The following ZNF804B variants were observed in gnomAD, a reference collection of about 807,000 sequenced individuals.
ZNF804B encodes the protein zinc finger 804B.
In ZNF804B, 80 loss-of-function variants were observed where a neutral mutation model predicts 101.4. That is an observed-to-expected ratio of 0.79 (90% CI 0.66 to 0.95). The LOEUF (loss-of-function observed/expected upper bound fraction) is 0.95. ZNF804B is among the 40% of genes least tolerant of loss of function. The probability of loss-of-function intolerance (pLI) is 0.00; values close to 1 mark genes in which losing one functional copy is unlikely to be tolerated. For synonymous variants in ZNF804B, 622 were observed against 558.8 expected (o/e 1.11, Z -1.59); for missense variants, 1,673 against 1,561.9 (o/e 1.07, Z -1.20).
intron 1 of ZNF804B, among the ~76,000 whole-genome samples, chr7:88,948,264 G>A (rs955923457): frequency 6.0e-5 from 9 of 149,504 alleles, no homozygotes; most frequent in South Asian, 2.1e-4. Context: ...AGACAAGGTC[G>A]CCTCAGCACA....
In ZNF804B at chr7:89,336,179, G is replaced by C. The variant is rs1480080012; in HGVS notation, c.3197G>C (p.Cys1066Ser). 1.4e-5 allele frequency: 22 copies of C among 1,613,850 alleles called. No individual in the cohort carries two copies. The highest frequency in any genetic ancestry group is 1.9e-5 in the Non-Finnish European group (22 of 1,179,976). The change falls in exon 4 of 4, where the codon TGT becomes TCT. Residue 1066 changes from cysteine to serine, a missense_variant. Cys to Ser is a moderately radical substitution (Grantham distance 112). Coordinates refer to ENST00000333190, the MANE Select transcript of ZNF804B (RefSeq NM_181646.5). ...ISEIQPFIQS[C>S]DPVPNEFPGA... The stretch of plus-strand genomic sequence containing the variant: ...GAAATCCAACCTTTTATTCAAAGCT[G>C]TGACCCAGTACCAAATGAATTCCCT...
chr7:89,065,768 CCTT>C lies in ZNF804B; in HGVS notation c.109-152382_109-152380del, dbSNP rs1442700447. On this transcript the variant is annotated intron_variant, in intron 1 of 3. Coordinates refer to ENST00000333190, the MANE Select transcript of ZNF804B (RefSeq NM_181646.5). ...TGCCTGCATTCCCAGGGTTGTAACT[CCTT>C]CTTCACATCATCTCAACCTTTTACT... Among the ~76,000 whole-genome samples, 3 of 152,208 alleles carry C rather than the reference CCTT, an allele frequency of 2.0e-5. 1 individual carries two copies. In the East Asian group the frequency reaches 5.8e-4, roughly 30 times the overall value.
intron 1 of ZNF804B, among the ~76,000 whole-genome samples, chr7:88,864,015 T>A (rs1791689078): frequency 6.6e-6 from 1 of 152,190 alleles, no homozygotes; most frequent in Non-Finnish European, 1.5e-5. Flanking sequence ...GAATTTGATG[T>A]CTTCTCTCCT....
chr7:88,924,877 A>G (rs1383980106), intron 1 of ZNF804B, among the ~76,000 whole-genome samples: 1 of 152,220 alleles, frequency 6.6e-6, no homozygotes, highest in Non-Finnish European at 1.5e-5. Context: ...CCTAGTACAC[A>G]GTAAATACAT....
chr7:88,865,393 A>G (rs1397067849), intron 1 of ZNF804B, among the ~76,000 whole-genome samples: 1 of 152,002 alleles, frequency 6.6e-6, no homozygotes, highest in Non-Finnish European at 1.5e-5. Context: ...TTAGCTGGGC[A>G]TGGTGGTATG....
At chr7:89,305,020 C>G (rs12534829) in intron 2 of ZNF804B, among the ~76,000 whole-genome samples, 35,621 of 151,872 alleles carry the variant, frequency 0.23, 4,489 homozygotes, top group Admixed American at 0.28. Context: ...GTTAGAGCCA[C>G]TCTCTAAAGT....
chr7:89,118,031 C>T (rs1295120550), intron 1 of ZNF804B, among the ~76,000 whole-genome samples: 3 of 152,066 alleles, frequency 2.0e-5, no homozygotes, highest in African/African-American at 4.8e-5. Context: ...AAGGTTTCTA[C>T]ATTTGAGAGC....
chr7:88,767,042 T>C (rs1373283932), intron 1 of ZNF804B, among the ~76,000 whole-genome samples: 1 of 152,242 alleles, frequency 6.6e-6, no homozygotes, highest in Non-Finnish European at 1.5e-5. Flanking sequence ...TTCCTCTCTA[T>C]TCTTCTTGCC....
At chr7:89,135,464 A>G (rs533137485) in intron 1 of ZNF804B, among the ~76,000 whole-genome samples, 2 of 152,134 alleles carry the variant, frequency 1.3e-5, no homozygotes, top group African/African-American at 4.8e-5. Context: ...ATTTCATGTG[A>G]TTTATCACAT....
At chr7:89,102,160 C>G (rs1229832563) in intron 1 of ZNF804B, among the ~76,000 whole-genome samples, 1 of 151,866 alleles carries the variant, frequency 6.6e-6, no homozygotes, top group Admixed American at 6.6e-5. Context: ...GTCGGTTTTA[C>G]ATGATTTCCT....
chr7:88,890,762 C>A (rs1339142075), intron 1 of ZNF804B, among the ~76,000 whole-genome samples: 2 of 151,956 alleles, frequency 1.3e-5, no homozygotes, highest in Non-Finnish European at 2.9e-5. Flanking sequence ...TGTATATTAT[C>A]CCACTGTATA....
chr7:89,023,420 G>A (rs190655212), intron 1 of ZNF804B, among the ~76,000 whole-genome samples: 199 of 152,230 alleles, frequency 1.3e-3, no homozygotes, highest in African/African-American at 4.6e-3. Context: ...TACTTCTGTG[G>A]AAAATACCAC....
At chr7:89,167,422 C>T (rs991279825) in intron 1 of ZNF804B, among the ~76,000 whole-genome samples, 2 of 149,470 alleles carry the variant, frequency 1.3e-5, no homozygotes, top group Admixed American at 6.7e-5. Context: ...CACTCCGGGC[C>T]GAAAACAGCA....
chr7:88,794,926 T>C, intron 1 of ZNF804B: 1 of 1,593,278 alleles, frequency 6.3e-7, no homozygotes, highest in South Asian at 1.1e-5. Flanking sequence ...CTTCTGGTTA[T>C]GGACCGAAAA....
intron 1 of ZNF804B, among the ~76,000 whole-genome samples, chr7:89,039,946 G>A (rs927561212): frequency 5.8e-4 from 88 of 152,004 alleles, no homozygotes; most frequent in African/African-American, 2.0e-3. Flanking sequence ...GTTACCGTAT[G>A]TCTTGATGAT....
At chr7:89,225,029 T>C (rs1789065372) in intron 2 of ZNF804B, among the ~76,000 whole-genome samples, 1 of 152,066 alleles carries the variant, frequency 6.6e-6, no homozygotes, top group Non-Finnish European at 1.5e-5. Flanking sequence ...AGCTGACTGT[T>C]CCCTCTGTCT....
chr7:89,218,052 C>G, intron 1 of ZNF804B, 103 bp from the exon 2 acceptor site: 1 of 1,160,088 alleles, frequency 8.6e-7, no homozygotes, highest in South Asian at 1.6e-5. Context: ...AAACAATGTG[C>G]TCCGTCATAT....
At chr7:89,220,723 T>C (rs1224288566) in intron 2 of ZNF804B, among the ~76,000 whole-genome samples, 2 of 152,016 alleles carry the variant, frequency 1.3e-5, no homozygotes, top group African/African-American at 4.8e-5. Flanking sequence ...ACCTTAGTGG[T>C]CTTATAAATG....
chr7:89,071,484 A>G (rs962568936), intron 1 of ZNF804B, among the ~76,000 whole-genome samples: 1 of 152,120 alleles, frequency 6.6e-6, no homozygotes, highest in Non-Finnish European at 1.5e-5. Flanking sequence ...CACTCACCCA[A>G]AGGCATAGTT....
Sources: gnomAD v4.1 joint callset for allele counts (sites outside exome capture counted in the v4.1 genomes callset) on GRCh38, gnomAD v4.1.1 for gene constraint, MANE v1.5 for transcripts, NCBI Gene and HGNC (gene_info 2026-07-23, HGNC 2026-07-21) for gene names.